The following ZNF782 variants were observed in gnomAD, a reference collection of about 807,000 sequenced individuals.
ZNF782 encodes the protein zinc finger protein 782.
ZNF782 carries 12 observed loss-of-function variants against 13.0 expected under a neutral mutation model. The observed-to-expected ratio is 0.92, with a 90% CI of 0.59 to 1.50. The LOEUF (loss-of-function observed/expected upper bound fraction) is 1.50. Among genes scored for constraint, ZNF782 ranks in the 40% most tolerant of loss-of-function variants. ZNF782 has a pLI of 0.00. For synonymous variants in ZNF782, 284 were observed against 283.0 expected, an observed-to-expected ratio of 1.00 and a Z score of -0.04; for missense variants, 770 against 822.9, an observed-to-expected ratio of 0.94 and a Z score of 0.79.
chr9:96,907,393 A>C, the ZNF782 span, among the ~76,000 whole-genome samples: 2 of 152,106 alleles, frequency 1.3e-5, no homozygotes, highest in African/African-American at 4.8e-5. Flanking sequence ...TTTGTTTTGC[A>C]AGACGAAAAA....
intron 1 of ZNF782, among the ~76,000 whole-genome samples, chr9:96,866,064 GA>G (rs1178412503): frequency 6.6e-6 from 1 of 152,184 alleles, no homozygotes; most frequent in East Asian, 1.9e-4. Flanking sequence ...CAATGTGATA[GA>G]AAAGAAAATC....
intron 4 of ZNF782, 37 bp from the exon 5 acceptor site, chr9:96,827,218 G>T: frequency 6.8e-7 from 1 of 1,461,118 alleles, no homozygotes; most frequent in East Asian, 2.3e-5. Context: ...TGCATTAGTT[G>T]CATAGGTTCT....
At chr9:96,881,848 G>A in the ZNF782 span, among the ~76,000 whole-genome samples, 1 of 151,932 alleles carries the variant, frequency 6.6e-6, no homozygotes, top group African/African-American at 2.4e-5. Context: ...TAAATAAAAT[G>A]TAAATCCTCT....
At chr9:96,822,829 T>C (rs371625328) in intron 5 of ZNF782, among the ~76,000 whole-genome samples, 2 of 152,348 alleles carry the variant, frequency 1.3e-5, no homozygotes, top group East Asian at 3.9e-4. Flanking sequence ...ATTTACTCTT[T>C]GATTAAATAT....
At chr9:96,929,061 C>A in the ZNF782 span, 19 of 1,610,362 alleles carry the variant, frequency 1.2e-5, no homozygotes, top group African/African-American at 1.4e-5. Flanking sequence ...AGGGATGGGG[C>A]ATTATCCTAG....
chr9:96,884,733 G>A, the ZNF782 span, among the ~76,000 whole-genome samples: 5 of 152,188 alleles, frequency 3.3e-5, no homozygotes, highest in African/African-American at 1.2e-4. Flanking sequence ...GTGAGTCAGT[G>A]CCCCATTTTT....
chr9:96,888,549 A>G, the ZNF782 span: 1 of 152,174 alleles, frequency 6.6e-6, no homozygotes, highest in African/African-American at 2.4e-5. Context: ...AAAACAAATT[A>G]AGAGTGTGTT....
chr9:96,907,807 A>C, the ZNF782 span, among the ~76,000 whole-genome samples: 585 of 151,026 alleles, frequency 3.9e-3, no homozygotes, highest in African/African-American at 0.013. Flanking sequence ...CACCCGGCTA[A>C]TTTTTGTATT....
intron 3 of ZNF782, among the ~76,000 whole-genome samples, chr9:96,851,243 C>A (rs1431030078): frequency 6.6e-6 from 1 of 151,674 alleles, no homozygotes; most frequent in East Asian, 1.9e-4. Flanking sequence ...AATGTAATGA[C>A]AAAAATTATA....
At chr9:96,897,320 T>G in the ZNF782 span, among the ~76,000 whole-genome samples, 1 of 152,166 alleles carries the variant, frequency 6.6e-6, no homozygotes, top group African/African-American at 2.4e-5. Context: ...TCATCTCCCC[T>G]TCTCCCACAA....
intron 2 of ZNF782, among the ~76,000 whole-genome samples, chr9:96,852,442 C>A (rs1851523594): frequency 6.6e-6 from 1 of 152,140 alleles, no homozygotes; most frequent in Non-Finnish European, 1.5e-5. Flanking sequence ...GAGTTCAAGA[C>A]CAACCTGGGC....
intron 5 of ZNF782, among the ~76,000 whole-genome samples, chr9:96,824,012 C>A (rs1005913552): frequency 6.6e-6 from 1 of 152,164 alleles, no homozygotes; most frequent in African/African-American, 2.4e-5. Context: ...TGAAACTATT[C>A]CAATCAACAG....
the ZNF782 span, among the ~76,000 whole-genome samples, chr9:96,926,706 G>C: frequency 6.6e-6 from 1 of 152,170 alleles, no homozygotes; most frequent in Non-Finnish European, 1.5e-5. Context: ...CAGGCAAGGA[G>C]GGGAGAACCC....
At chr9:96,919,965 T>A in the ZNF782 span, among the ~76,000 whole-genome samples, 12 of 151,656 alleles carry the variant, frequency 7.9e-5, no homozygotes, top group Non-Finnish European at 1.5e-4. Context: ...AATATAAGAT[T>A]ATTATTCATG....
Position 96,816,307 on chromosome 9 carries a change from A to AAAAT in ZNF782, c.*1615_*1616insATTT, listed in dbSNP as rs1480784050. On this transcript the variant is annotated 3_prime_UTR_variant, in exon 6 of 6. Transcript: ENST00000481138. ...GTTTGTTATTAATATTCATGTGGCA[A>AAAAT]ATTGTAGCTGATGTCAAAGTAGTTA... Among the ~76,000 whole-genome samples, 2 of 152,204 alleles carry AAAAT rather than the reference A, an allele frequency of 1.3e-5. No homozygotes were observed. Among genetic ancestry groups the AAAAT allele is most frequent in the Non-Finnish European group, 2.9e-5 (2 of 68,028 alleles).
chr9:96,860,552 G>A (rs1464257836), intron 2 of ZNF782: 3 of 152,170 alleles, frequency 2.0e-5, no homozygotes, highest in African/African-American at 7.2e-5. Flanking sequence ...AAAAACCAAT[G>A]ACATTCTTCA....
intron 4 of ZNF782, among the ~76,000 whole-genome samples, chr9:96,836,909 C>T (rs937951355): frequency 6.6e-6 from 1 of 152,110 alleles, no homozygotes; most frequent in Non-Finnish European, 1.5e-5. Flanking sequence ...TTGCACATGG[C>T]CCCTCCCCTT....
intron 4 of ZNF782, 34 bp downstream of exon 4, chr9:96,844,856 C>T: frequency 6.2e-7 from 1 of 1,613,668 alleles, no homozygotes; most frequent in African/African-American, 1.3e-5. Flanking sequence ...CAGAACTGCA[C>T]TCTGGAGGGA....
chr9:96,924,988 G>GA, the ZNF782 span, among the ~76,000 whole-genome samples: 14 of 152,248 alleles, frequency 9.2e-5, no homozygotes, highest in Non-Finnish European at 1.8e-4. Context: ...GTGACCAGCG[G>GA]AAGCATGACC....
Sources: allele counts gnomAD v4.1 joint callset (sites outside exome capture counted in the v4.1 genomes callset), GRCh38; gene constraint gnomAD v4.1.1; transcripts MANE v1.5; gene names NCBI Gene and HGNC (gene_info 2026-07-23, HGNC 2026-07-21).